NKAIN2: variants seen among roughly 807,000 people sequenced by gnomAD.
NKAIN2 encodes the protein sodium/potassium-transporting ATPase subunit beta-1-interacting protein 2.
In NKAIN2, 14 loss-of-function variants were observed where a neutral mutation model predicts 32.6. That is an observed-to-expected ratio of 0.43 (90% CI 0.28 to 0.67). The LOEUF (loss-of-function observed/expected upper bound fraction) is 0.67, where lower values mean the gene tolerates loss of function less well. Ranked by LOEUF, NKAIN2 falls within the 30% of genes least tolerant of loss-of-function variation. The pLI, the probability that NKAIN2 is intolerant of heterozygous loss-of-function variation, is 0.17. For missense variants in NKAIN2, 198 were observed against 258.3 expected, an observed-to-expected ratio of 0.77 and a Z score of 1.60; for synonymous variants, 80 against 87.2, an observed-to-expected ratio of 0.92 and a Z score of 0.46.
intron 1 of NKAIN2, among the ~76,000 whole-genome samples, chr6:124,028,088 C>T (rs1781201167): frequency 6.6e-6 from 1 of 152,060 alleles, no homozygotes; most frequent in East Asian, 1.9e-4. Context: ...TATCTTCACC[C>T]TTAGTGTTAC....
intron 3 of NKAIN2, among the ~76,000 whole-genome samples, chr6:124,582,827 C>T (rs1209469712): frequency 2.6e-5 from 4 of 152,102 alleles, no homozygotes; most frequent in African/African-American, 9.7e-5. Flanking sequence ...ATATGCAAAT[C>T]AATCATGTGG....
At position 124,825,097 on chromosome 6, in the gene NKAIN2, C is replaced by T. The variant is rs1469304514; in HGVS notation, c.*1868C>T. ...TTTAATGTATGAGAAAAATATTTAC[C>T]AATGTATTGTCCTTTGAGTCCTAAA... is the stretch of plus-strand genomic sequence containing the variant. On this transcript the variant is annotated 3_prime_UTR_variant, in exon 7 of 7. Transcript: ENST00000368417. The T allele has an allele frequency of 2.6e-5, 4 of 152,612 alleles. No individual in the cohort carries two copies. The highest frequency in any genetic ancestry group is 4.4e-5 in the Non-Finnish European group (3 of 68,004). 9.5% of individuals were successfully genotyped at this position (152,612 alleles called of 1,614,324 possible).
chr6:124,737,490 A>G (rs1777007215), intron 4 of NKAIN2, among the ~76,000 whole-genome samples: 1 of 151,802 alleles, frequency 6.6e-6, no homozygotes, highest in African/African-American at 2.4e-5. Context: ...AGTCTTGACT[A>G]TGTCATTAAT....
chr6:124,374,168 A>G (rs920031997), intron 3 of NKAIN2, among the ~76,000 whole-genome samples: 2 of 152,122 alleles, frequency 1.3e-5, no homozygotes, highest in Non-Finnish European at 2.9e-5. Context: ...GAGAAAATGC[A>G]GAGCTGATGT....
chr6:124,046,644 G>T (rs2114822479), intron 1 of NKAIN2, among the ~76,000 whole-genome samples: 1 of 152,008 alleles, frequency 6.6e-6, no homozygotes, highest in South Asian at 2.1e-4. Context: ...GTTATAGTTT[G>T]GTCTGCAAGT....
At chr6:124,772,494 T>G (rs937918513) in intron 4 of NKAIN2, among the ~76,000 whole-genome samples, 1 of 152,164 alleles carries the variant, frequency 6.6e-6, no homozygotes, top group East Asian at 1.9e-4. Flanking sequence ...AAGGGAGATA[T>G]CAGCAGCATA....
intron 1 of NKAIN2, among the ~76,000 whole-genome samples, chr6:123,929,674 C>T (rs1415041285): frequency 6.6e-6 from 1 of 152,068 alleles, no homozygotes; most frequent in Non-Finnish European, 1.5e-5. Context: ...AAAGGTGCAT[C>T]ACTCACCATA....
chr6:124,416,444 T>C (rs1215049428), intron 3 of NKAIN2, among the ~76,000 whole-genome samples: 4 of 152,130 alleles, frequency 2.6e-5, no homozygotes, highest in Admixed American at 2.0e-4. Flanking sequence ...GAGACCAGCC[T>C]GGGCAACATA....
chr6:124,130,438 T>C (rs1444114807), intron 1 of NKAIN2, among the ~76,000 whole-genome samples: 7 of 152,224 alleles, frequency 4.6e-5, no homozygotes, highest in Non-Finnish European at 7.3e-5. Context: ...TTTTTCATTT[T>C]AACTACTGTG....
chr6:124,476,134 A>G (rs1777202866), intron 3 of NKAIN2, among the ~76,000 whole-genome samples: 3 of 150,004 alleles, frequency 2.0e-5, no homozygotes, highest in Admixed American at 6.7e-5. Flanking sequence ...GATGCACAGG[A>G]AAATAATTTC....
At chr6:124,023,851 A>G (rs183354640) in intron 1 of NKAIN2, among the ~76,000 whole-genome samples, 68 of 152,204 alleles carry the variant, frequency 4.5e-4, no homozygotes, top group African/African-American at 1.4e-3. Context: ...GACATTACTA[A>G]GAAAATTAAC....
In NKAIN2 at chr6:123,927,386, A is replaced by T. The variant is rs80245726; in HGVS notation, c.54+123132A>T. Among the ~76,000 whole-genome samples the T allele has an allele frequency of 2.8e-4, 43 of 152,314 alleles. 2 individuals are homozygous for T. The East Asian group carries it at 8.1e-3, about 29-fold the overall frequency. On this transcript the variant is annotated intron_variant, in intron 1 of 6. Transcript: ENST00000368417. ...AGAATGGTGATAACCAAAAAGCCTC[A>T]TGTTAGTCAATGAAACCTTCTCCAA...
intron 2 of NKAIN2, among the ~76,000 whole-genome samples, chr6:124,327,219 T>C (rs954082856): frequency 6.6e-6 from 1 of 152,146 alleles, no homozygotes; most frequent in African/African-American, 2.4e-5. Flanking sequence ...ATGTGTAGTT[T>C]CTAAAGGAAT....
chr6:124,033,601 A>G (rs1025561975), intron 1 of NKAIN2, among the ~76,000 whole-genome samples: 1 of 152,094 alleles, frequency 6.6e-6, no homozygotes, highest in African/African-American at 2.4e-5. Context: ...TGATGACCAG[A>G]TTGTTGATGG....
intron 4 of NKAIN2, among the ~76,000 whole-genome samples, chr6:124,734,348 T>G (rs1449633646): frequency 6.6e-6 from 1 of 151,862 alleles, no homozygotes; most frequent in East Asian, 1.9e-4. Context: ...GACTGGGATC[T>G]TGCCTTCAGC....
In NKAIN2 at chr6:124,080,821, T is replaced by A. The variant is rs1160083862; in HGVS notation, c.55-202184T>A. 4.6e-5 allele frequency among the ~76,000 whole-genome samples: 7 copies of A among 152,280 alleles called. No homozygotes were observed. In the East Asian group the frequency reaches 1.3e-3, roughly 29 times the overall value. ...TTTCTATAAATGGGAAAAATATGTT[T>A]GAAACAAACATCCTGGTGTTACAAA... is the stretch of plus-strand genomic sequence containing the variant. On this transcript the variant is annotated intron_variant, in intron 1 of 6. Coordinates refer to ENST00000368417, the MANE Select transcript of NKAIN2 (RefSeq NM_001040214.3).
intron 3 of NKAIN2, among the ~76,000 whole-genome samples, chr6:124,361,003 C>T (rs773126716): frequency 1.3e-5 from 2 of 152,008 alleles, no homozygotes; most frequent in Non-Finnish European, 2.9e-5. Flanking sequence ...ATTGTGGTTC[C>T]CTTGATCATA....
chr6:124,387,172 T>A (rs1772935474), intron 3 of NKAIN2, among the ~76,000 whole-genome samples: 1 of 152,126 alleles, frequency 6.6e-6, no homozygotes, highest in Admixed American at 6.6e-5. Context: ...CATGTATGCA[T>A]ATACATACAT....
chr6:123,833,476 T>C (rs1190518016), intron 1 of NKAIN2, among the ~76,000 whole-genome samples: 1 of 151,204 alleles, frequency 6.6e-6, no homozygotes, highest in Non-Finnish European at 1.5e-5. Context: ...GTTTCTGGGA[T>C]TTTGATTTAG....
Sources: allele counts gnomAD v4.1 joint callset (sites outside exome capture counted in the v4.1 genomes callset), GRCh38; gene constraint gnomAD v4.1.1; transcripts MANE v1.5; gene names NCBI Gene and HGNC (gene_info 2026-07-23, HGNC 2026-07-21).